The following NHS variants were observed in gnomAD, a reference collection of about 807,000 sequenced individuals.
The protein encoded by NHS is actin remodeling regulator NHS.
Under a neutral mutation model 72.5 loss-of-function variants are expected in NHS, and 5 were observed. The ratio of observed to expected loss-of-function variants is 0.07; its 90% CI spans 0.04 to 0.14. The LOEUF is 0.14. Ranked by LOEUF, NHS falls within the 10% of genes least tolerant of loss-of-function variation. The probability of loss-of-function intolerance (pLI) is 1.00; values close to 1 mark genes in which losing one functional copy is unlikely to be tolerated. For missense variants in NHS, 1,072 were observed against 1,355.7 expected, an observed-to-expected ratio of 0.79 and a Z score of 3.29; for synonymous variants, 464 against 547.7, an observed-to-expected ratio of 0.85 and a Z score of 2.13.
intron 1 of NHS, among the ~76,000 whole-genome samples, chrX:17,427,349 AC>A (rs1177497504): frequency 8.9e-6 from 1 of 111,792 alleles, no homozygotes; most frequent in Non-Finnish European, 1.9e-5. Flanking sequence ...TCTTGCCAAG[AC>A]CTAGCATCTG....
intron 1 of NHS, among the ~76,000 whole-genome samples, chrX:17,624,060 G>A (rs1036609283): frequency 1.8e-5 from 2 of 112,933 alleles, no homozygotes; most frequent in African/African-American, 6.4e-5. Flanking sequence ...GAGTAGTGGG[G>A]ACTGAGATGC....
At chrX:17,440,258 T>TAAAAA (rs1036618487) in intron 1 of NHS, among the ~76,000 whole-genome samples, 709 of 37,278 alleles carry the variant, frequency 0.019, 12 homozygotes, top group Non-Finnish European at 0.028. Context: ...GACTCAGTCT[T>TAAAAA]AAAAAAAAAA....
At position 17,541,492 on chromosome X, in the gene NHS, T is replaced by C. The variant is rs1379896550; in HGVS notation, c.566-146250T>C. Reference sequence around the variant, plus strand: ...AGTGGTGATACAGCCCACTCTGCAATGCAGGGTGTGTGGTTAAACCTGTAA... The same window carrying C: ...AGTGGTGATACAGCCCACTCTGCAACGCAGGGTGTGTGGTTAAACCTGTAA... On this transcript the variant is annotated intron_variant, in intron 1 of 8. Transcript: ENST00000676302. Among the ~76,000 whole-genome samples, 3 of 111,893 alleles carry C rather than the reference T, an allele frequency of 2.7e-5. No individual in the cohort carries two copies. In the East Asian group the frequency reaches 8.4e-4, roughly 31 times the overall value.
intron 1 of NHS, among the ~76,000 whole-genome samples, chrX:17,430,420 C>T (rs1482864079): frequency 1.1e-5 from 1 of 91,798 alleles, no homozygotes; most frequent in Admixed American, 1.3e-4. Context: ...CTCCTTCCTT[C>T]CTTCCTTCCT....
At chrX:17,709,734 G>A (rs747319094) in intron 3 of NHS, among the ~76,000 whole-genome samples, 5 of 111,233 alleles carry the variant, frequency 4.5e-5, no homozygotes, top group Non-Finnish European at 9.4e-5. Context: ...GAGAGTAACC[G>A]TGGCCTGGCT....
chrX:17,593,600 T>C (rs2065612695), intron 1 of NHS, among the ~76,000 whole-genome samples: 1 of 111,223 alleles, frequency 9.0e-6, no homozygotes, highest in Admixed American at 9.5e-5. Context: ...CAAGAATCCT[T>C]CACACAGGAA....
At chrX:17,526,959 A>G (rs1326466180) in intron 1 of NHS, among the ~76,000 whole-genome samples, 2 of 112,615 alleles carry the variant, frequency 1.8e-5, no homozygotes, top group Non-Finnish European at 3.7e-5. Flanking sequence ...AACTTCAGAT[A>G]CTTGTGCAAA....
intron 1 of NHS, among the ~76,000 whole-genome samples, chrX:17,424,313 A>G (rs2064638727): frequency 8.9e-6 from 1 of 112,304 alleles, no homozygotes; most frequent in African/African-American, 3.2e-5. Flanking sequence ...CCAGGCTGTC[A>G]TGTCTTCTGA....
intron 1 of NHS, among the ~76,000 whole-genome samples, chrX:17,441,972 G>A (rs1044424588): frequency 1.8e-5 from 2 of 111,802 alleles, no homozygotes; most frequent in African/African-American, 6.5e-5. Context: ...AAGATGTTTG[G>A]GCTCACCACC....
At chrX:17,548,740 C>T (rs2065307925) in intron 1 of NHS, among the ~76,000 whole-genome samples, 1 of 111,653 alleles carries the variant, frequency 9.0e-6, no homozygotes, top group African/African-American at 3.3e-5. Flanking sequence ...TTCCAGACAG[C>T]CTCAGAGGAC....
At chrX:17,466,286 G>C (rs1035227138) in intron 1 of NHS, among the ~76,000 whole-genome samples, 3 of 112,494 alleles carry the variant, frequency 2.7e-5, no homozygotes, top group Non-Finnish European at 3.8e-5. Context: ...AATCCAATTT[G>C]TTGTTCTCAG....
intron 3 of NHS, among the ~76,000 whole-genome samples, chrX:17,692,751 T>TC (rs963531524): frequency 9.0e-6 from 1 of 110,944 alleles, no homozygotes; most frequent in Non-Finnish European, 1.9e-5. Context: ...AAACCTCGGT[T>TC]CTTCTGCTTG....
intron 1 of NHS, among the ~76,000 whole-genome samples, chrX:17,591,399 G>A (rs771412839): frequency 9.0e-6 from 1 of 111,408 alleles, no homozygotes; most frequent in African/African-American, 3.3e-5. Flanking sequence ...CCAAACCCAA[G>A]ATCTACTAGC....
chrX:17,648,609 G>A (rs1417791565), intron 1 of NHS, among the ~76,000 whole-genome samples: 2 of 112,649 alleles, frequency 1.8e-5, no homozygotes, highest in African/African-American at 6.5e-5. Flanking sequence ...TGGATTTGAA[G>A]TTCTTCCAAT....
At chrX:17,712,275 A>G (rs1324556127) in intron 3 of NHS, among the ~76,000 whole-genome samples, 2 of 80,491 alleles carry the variant, frequency 2.5e-5, no homozygotes, top group Admixed American at 1.5e-4. Context: ...ATATATATAT[A>G]TATATATATA....
At chrX:17,714,121 G>A (rs1194141886) in intron 3 of NHS, among the ~76,000 whole-genome samples, 2 of 109,968 alleles carry the variant, frequency 1.8e-5, no homozygotes, top group East Asian at 5.7e-4. Flanking sequence ...GCCAGAATAG[G>A]AGTCTGGAAA....
intron 6 of NHS, 44 bp from the exon 7 acceptor site, chrX:17,725,303 T>A: frequency 8.7e-7 from 1 of 1,146,872 alleles, no homozygotes; most frequent in Non-Finnish European, 1.2e-6. Context: ...TCTGTTGGTC[T>A]GCTGATATAG....
chrX:17,435,272 G>T (rs2064716278), intron 1 of NHS, among the ~76,000 whole-genome samples: 2 of 111,856 alleles, frequency 1.8e-5, no homozygotes, highest in Non-Finnish European at 1.9e-5. Flanking sequence ...AGAATGGCAG[G>T]CTCAAAGAGA....
chrX:17,681,091 G>A (rs188645959), intron 1 of NHS, among the ~76,000 whole-genome samples: 1 of 112,009 alleles, frequency 8.9e-6, no homozygotes, highest in Non-Finnish European at 1.9e-5. Context: ...AGGCTCCCCA[G>A]TTGTGGGCAG....
Sources: gnomAD v4.1 joint callset for allele counts (sites outside exome capture counted in the v4.1 genomes callset) on GRCh38, gnomAD v4.1.1 for gene constraint, MANE v1.5 for transcripts, NCBI Gene and HGNC (gene_info 2026-07-23, HGNC 2026-07-21) for gene names.